Variants in GTF2H1 observed in about 807,000 individuals in gnomAD.
GTF2H1 encodes the protein BTF2 p62.
A neutral mutation model predicts 71.2 loss-of-function variants in GTF2H1; 16 were observed. The ratio of observed to expected loss-of-function variants is 0.22; its 90% confidence interval spans 0.15 to 0.34. GTF2H1 has a LOEUF of 0.34. Among genes scored for constraint, GTF2H1 ranks in the 10% least tolerant of loss-of-function variants. The probability of loss-of-function intolerance (pLI) is 1.00; values close to 1 mark genes in which losing one functional copy is unlikely to be tolerated. For missense variants in GTF2H1, 498 were observed against 648.2 expected (o/e 0.77, Z 2.52); for synonymous variants, 215 against 219.0 (o/e 0.98, Z 0.16).
chr11:18,360,484 T>C, intron 13 of GTF2H1, 131 bp from the exon 14 acceptor site: 1 of 534,252 alleles, frequency 1.9e-6, no homozygotes, highest in East Asian at 3.4e-5. Context: ...ATAATTGGTA[T>C]ATTTTTATTT....
In GTF2H1 at chr11:18,341,262, A is replaced by G. The variant is rs1159957709; in HGVS notation, c.609A>G (p.Val203=). Residue 203 remains valine (V), a splice_region_variant and synonymous_variant, in exon 6 of 15, where the codon GTA becomes GTG. Coordinates refer to ENST00000265963, the MANE Select transcript of GTF2H1 (RefSeq NM_005316.4). The stretch of plus-strand genomic sequence containing the variant: ...ATATTTGTGGGTTTTTTTCCACAGT[A>G]AAAATGAAATATGCAGAAAATGTTC... ...IESIFRTYPA[V]KMKYAENVPH... is the part of the protein sequence containing the mutation. The G allele has an allele frequency of 6.2e-7, 1 of 1,605,892 alleles. No homozygotes were observed. The highest frequency in any genetic ancestry group is 1.3e-5 in the African/African-American group (1 of 74,592).
chr11:18,339,515 A>G, intron 4 of GTF2H1, 49 bp from the exon 5 acceptor site: 4 of 1,319,324 alleles, frequency 3.0e-6, no homozygotes, highest in South Asian at 1.2e-5. Flanking sequence ...GACCTGAGCC[A>G]TCTTTCCCTG....
At chr11:18,337,852 A>G (rs559835168) in intron 3 of GTF2H1, among the ~76,000 whole-genome samples, 1 of 152,342 alleles carries the variant, frequency 6.6e-6, no homozygotes, top group East Asian at 1.9e-4. Context: ...GAATAAGATC[A>G]AACCCATGTC....
chr11:18,335,438 A>T (rs1293682249), intron 2 of GTF2H1, among the ~76,000 whole-genome samples: 1 of 152,292 alleles, frequency 6.6e-6, no homozygotes, highest in Non-Finnish European at 1.5e-5. Flanking sequence ...TACATTCAGG[A>T]AGCTTTAAAG....
intron 6 of GTF2H1, 21 bp from the exon 7 acceptor site, chr11:18,341,507 T>A: frequency 6.2e-7 from 1 of 1,607,820 alleles, no homozygotes; most frequent in Non-Finnish European, 8.5e-7. Context: ...TGCTGAACTT[T>A]TTATTTTGTT....
intron 9 of GTF2H1, 156 bp from the exon 10 acceptor site, chr11:18,351,725 G>A: frequency 2.1e-6 from 1 of 475,012 alleles, no homozygotes; most frequent in South Asian, 3.6e-5. Context: ...TGAGAAAATT[G>A]GTTCAGCCAT....
At chr11:18,336,358 C>G (rs1297532398) in intron 3 of GTF2H1, among the ~76,000 whole-genome samples, 1 of 152,028 alleles carries the variant, frequency 6.6e-6, no homozygotes, top group Admixed American at 6.6e-5. Flanking sequence ...AACTTCCTGA[C>G]CGCCAGTGAT....
intron 1 of GTF2H1, among the ~76,000 whole-genome samples, chr11:18,331,474 C>T (rs1021328254): frequency 2.0e-5 from 3 of 152,094 alleles, no homozygotes; most frequent in Non-Finnish European, 2.9e-5. Flanking sequence ...CGAGACCAGC[C>T]TGACCAACAT....
At chr11:18,347,993 T>A in intron 9 of GTF2H1, 74 bp downstream of exon 9, 1 of 926,030 alleles carries the variant, frequency 1.1e-6, no homozygotes, top group Admixed American at 1.8e-5. Context: ...AAGTACTGTA[T>A]ACGCTTATTT....
chr11:18,334,810 C>T (rs1210316848), intron 2 of GTF2H1, among the ~76,000 whole-genome samples: 1 of 152,082 alleles, frequency 6.6e-6, no homozygotes, highest in East Asian at 1.9e-4. Flanking sequence ...ATTATTTTGC[C>T]ATATTTGCTT....
At chr11:18,338,385 G>T (rs1303099966) in intron 4 of GTF2H1, 111 bp downstream of exon 4, 3 of 669,220 alleles carry the variant, frequency 4.5e-6, no homozygotes, top group African/African-American at 1.8e-5. Flanking sequence ...GGAAAGTAAT[G>T]GAAAATTGAG....
At chr11:18,334,569 T>C (rs1864980500) in intron 2 of GTF2H1, among the ~76,000 whole-genome samples, 1 of 152,180 alleles carries the variant, frequency 6.6e-6, no homozygotes, top group Non-Finnish European at 1.5e-5. Flanking sequence ...ATAAACAGTA[T>C]GCCCATCTCC....
chr11:18,338,321 C>G (rs757785641), intron 4 of GTF2H1, 47 bp downstream of exon 4: 5 of 1,229,182 alleles, frequency 4.1e-6, no homozygotes, highest in Non-Finnish European at 6.0e-6. Flanking sequence ...ATTCAAACCC[C>G]AATATGTGTC....
At chr11:18,337,259 C>T (rs1865049975) in intron 3 of GTF2H1, among the ~76,000 whole-genome samples, 1 of 151,926 alleles carries the variant, frequency 6.6e-6, no homozygotes, top group Admixed American at 6.6e-5. Flanking sequence ...TGAAACTCCA[C>T]GTCTACTAAA....
intron 2 of GTF2H1, among the ~76,000 whole-genome samples, chr11:18,334,464 T>C (rs1046599953): frequency 1.3e-5 from 2 of 152,226 alleles, no homozygotes; most frequent in African/African-American, 4.8e-5. Context: ...AACAATAGAC[T>C]TATAAATTAG....
At chr11:18,338,461 A>G (rs1865083424) in intron 4 of GTF2H1, among the ~76,000 whole-genome samples, 187 bp downstream of exon 4, 1 of 152,142 alleles carries the variant, frequency 6.6e-6, no homozygotes, top group African/African-American at 2.4e-5. Context: ...TTTGTTTTTA[A>G]AAGACAGGGT....
intron 1 of GTF2H1, among the ~76,000 whole-genome samples, chr11:18,326,536 T>G (rs930370959): frequency 1.3e-5 from 2 of 151,928 alleles, no homozygotes; most frequent in African/African-American, 4.8e-5. Flanking sequence ...AAAAAAAGGT[T>G]ATGTTTTTCC....
chr11:18,341,747 T>G (rs779398859), intron 7 of GTF2H1, 140 bp downstream of exon 7: 4 of 562,390 alleles, frequency 7.1e-6, no homozygotes, highest in African/African-American at 1.9e-5. Context: ...TTATCGGAAG[T>G]GCTTTGAAAT....
At chr11:18,349,910 TAA>T (rs1316103118) in intron 9 of GTF2H1, among the ~76,000 whole-genome samples, 1 of 152,208 alleles carries the variant, frequency 6.6e-6, no homozygotes, top group Non-Finnish European at 1.5e-5. Flanking sequence ...TTACCTACTA[TAA>T]AGTGTATTTT....
Sources: gnomAD v4.1 joint callset for allele counts (sites outside exome capture counted in the v4.1 genomes callset) on GRCh38, gnomAD v4.1.1 for gene constraint, MANE v1.5 for transcripts, NCBI Gene and HGNC (gene_info 2026-07-23, HGNC 2026-07-21) for gene names.